The following ASTN2 variants were observed in gnomAD, a reference collection of about 807,000 sequenced individuals.
ASTN2 encodes the protein astrotactin-2.
ASTN2 carries 54 observed loss-of-function variants against 139.8 expected under a neutral mutation model. The observed-to-expected ratio is 0.39, with a 90% CI of 0.31 to 0.48. ASTN2 has a LOEUF of 0.48. ASTN2 is among the 20% of genes least tolerant of loss of function. The pLI is 0.95. For synonymous variants in ASTN2, 756 were observed against 719.5 expected (o/e 1.05, Z -0.81); for missense variants, 1,565 against 1,725.1 (o/e 0.91, Z 1.64).
At chr9:116,660,689 A>G (rs1219457711) in intron 16 of ASTN2, among the ~76,000 whole-genome samples, 1 of 152,158 alleles carries the variant, frequency 6.6e-6, no homozygotes. Context: ...ACTGTCAAAA[A>G]TTTCCCCTTA....
chr9:116,773,226 T>G, intron 13 of ASTN2, among the ~76,000 whole-genome samples: 1 of 152,186 alleles, frequency 6.6e-6, no homozygotes, highest in East Asian at 1.9e-4. Context: ...CTTTAGCACA[T>G]GCTTGATTCT....
At chr9:117,304,155 C>T (rs533888513) in intron 1 of ASTN2, among the ~76,000 whole-genome samples, 1 of 152,204 alleles carries the variant, frequency 6.6e-6, no homozygotes, top group Non-Finnish European at 1.5e-5. Context: ...CTAAGCTCAG[C>T]GTAAATAACC....
chr9:116,607,018 A>G (rs932565589), intron 19 of ASTN2, among the ~76,000 whole-genome samples: 3 of 152,218 alleles, frequency 2.0e-5, no homozygotes, highest in Non-Finnish European at 4.4e-5. Context: ...GGGTTTAGAC[A>G]TGATAAAGGT....
intron 1 of ASTN2, among the ~76,000 whole-genome samples, chr9:117,332,470 G>C (rs1271268205): frequency 6.6e-6 from 1 of 152,198 alleles, no homozygotes; most frequent in Non-Finnish European, 1.5e-5. Flanking sequence ...TCAGGAGGCT[G>C]TGTGAGAATC....
At chr9:116,527,707 C>T (rs974652546) in intron 19 of ASTN2, among the ~76,000 whole-genome samples, 2 of 152,122 alleles carry the variant, frequency 1.3e-5, no homozygotes, top group African/African-American at 4.8e-5. Flanking sequence ...TTCTAATCCC[C>T]ATGTGTTGGG....
intron 3 of ASTN2, among the ~76,000 whole-genome samples, chr9:117,179,593 C>A (rs1831005519): frequency 6.6e-6 from 1 of 152,172 alleles, no homozygotes; most frequent in South Asian, 2.1e-4. Flanking sequence ...GCTTCTCCTT[C>A]TTGCACCTCT....
rs747307846 is a variant in ASTN2, at chr9:117,141,361, G to T, written c.1133C>A (p.Ser378Ter). ...GCTCCTCCGCTTCCTCTTCCCTGCC[G>T]ATGTGCTGCGCAGGGGTGGTTGCAG... ...GQLQPPLRST[S>*]AGKRKRRSKS... The change falls in exon 4 of 23, where the codon TCG (serine) becomes TAG (stop). Residue 378 changes from serine to a stop codon, truncating the protein, a stop_gained. Coordinates refer to ENST00000313400, the MANE Select transcript of ASTN2 (RefSeq NM_001365068.1). LOFTEE classifies it high-confidence loss of function. 1 of 1,367,498 alleles carries T rather than the reference G, an allele frequency of 7.3e-7. No individual in the cohort carries two copies. Among genetic ancestry groups the T allele is most frequent in the Non-Finnish European group, 9.8e-7 (1 of 1,021,798 alleles). 84.7% of individuals were successfully genotyped at this position (1,367,498 alleles called of 1,614,324 possible).
intron 1 of ASTN2, among the ~76,000 whole-genome samples, chr9:117,332,972 G>A (rs1348732558): frequency 6.6e-6 from 1 of 152,200 alleles, no homozygotes; most frequent in Non-Finnish European, 1.5e-5. Flanking sequence ...GCTTAGGGGA[G>A]TGGGTAGTGC....
intron 3 of ASTN2, among the ~76,000 whole-genome samples, chr9:117,170,066 G>A (rs781013136): frequency 5.0e-4 from 76 of 152,012 alleles, no homozygotes; most frequent in Admixed American, 1.6e-3. Flanking sequence ...TACCTCTTGG[G>A]GAAGGTCATT....
intron 10 of ASTN2, among the ~76,000 whole-genome samples, chr9:116,910,393 A>T (rs1419859008): frequency 6.6e-6 from 1 of 152,180 alleles, no homozygotes; most frequent in African/African-American, 2.4e-5. Flanking sequence ...CACCCCTGTC[A>T]TCTACCCACT....
chr9:117,313,218 A>G (rs1392100445), intron 1 of ASTN2, among the ~76,000 whole-genome samples: 10 of 152,218 alleles, frequency 6.6e-5, no homozygotes, highest in Non-Finnish European at 1.5e-4. Flanking sequence ...AGCCTTGAGG[A>G]GGGCACACAG....
At chr9:117,344,866 TC>T (rs1564157165) in intron 1 of ASTN2, among the ~76,000 whole-genome samples, 2 of 152,174 alleles carry the variant, frequency 1.3e-5, no homozygotes. Flanking sequence ...TGCTCATTTT[TC>T]CTAAAGGCCC....
At chr9:117,101,699 C>T (rs1828982752) in intron 4 of ASTN2, among the ~76,000 whole-genome samples, 1 of 152,148 alleles carries the variant, frequency 6.6e-6, no homozygotes, top group African/African-American at 2.4e-5. Context: ...CTCACTGTTG[C>T]TTAATCAAAA....
chr9:116,832,796 A>G (rs1831855243), intron 11 of ASTN2, among the ~76,000 whole-genome samples: 1 of 152,040 alleles, frequency 6.6e-6, no homozygotes, highest in African/African-American at 2.4e-5. Flanking sequence ...TGGTATATGC[A>G]TGAGGGCTAT....
In ASTN2 at chr9:116,658,733, C is replaced by CTTTTTT. The variant is rs71502074; in HGVS notation, c.2807-6946_2807-6941dup. Among the ~76,000 whole-genome samples the CTTTTTT allele has an allele frequency of 2.9e-3, 290 of 101,074 alleles. 4 individuals are homozygous for CTTTTTT. Among genetic ancestry groups the CTTTTTT allele is most frequent in the East Asian group, 7.5e-3 (23 of 3,062 alleles). 66.3% of individuals were successfully genotyped at this position (101,074 alleles called of 152,430 possible). A position where few individuals can be genotyped will look rare whatever the true frequency, so the allele number is the denominator to read the frequency against. Reference sequence around the variant, plus strand: ...GACCTTCCTAATCCTGACCACCGCTCTTTTTTTTTTTTTTTTTTTTTTTTT... The same window carrying CTTTTTT: ...GACCTTCCTAATCCTGACCACCGCTCTTTTTTTTTTTTTTTTTTTTTTTTTTTTTTT... On this transcript the variant is annotated intron_variant, in intron 16 of 22. Coordinates refer to ENST00000313400, the MANE Select transcript of ASTN2 (RefSeq NM_001365068.1).
chr9:116,679,464 A>G (rs1859704256), intron 16 of ASTN2, among the ~76,000 whole-genome samples: 1 of 152,152 alleles, frequency 6.6e-6, no homozygotes, highest in Non-Finnish European at 1.5e-5. Flanking sequence ...TAAAACTCCT[A>G]TAATTCTAAT....
At position 116,696,923 on chromosome 9, in the gene ASTN2, A is replaced by G. The variant is rs1860884561; in HGVS notation, c.2806+28848T>C. On this transcript the variant is annotated intron_variant, in intron 16 of 22. Transcript: ENST00000313400. ...GTGGATGATTCCTAGGCCCCCAAAC[A>G]TGACACAATAAACTCTGTGACATGA... is the stretch of plus-strand genomic sequence containing the variant. Among the ~76,000 whole-genome samples, 3 of 149,314 alleles carry G rather than the reference A, an allele frequency of 2.0e-5. No homozygotes were observed. The South Asian group carries it at 6.5e-4, about 32-fold the overall frequency.
At chr9:117,031,184 C>T (rs1349797688) in intron 6 of ASTN2, among the ~76,000 whole-genome samples, 6 of 152,058 alleles carry the variant, frequency 3.9e-5, no homozygotes, top group Non-Finnish European at 8.8e-5. Flanking sequence ...GAGCAACATC[C>T]TTGGGGAGTG....
intron 1 of ASTN2, among the ~76,000 whole-genome samples, chr9:117,356,963 T>C (rs939641281): frequency 4.0e-5 from 6 of 151,688 alleles, no homozygotes; most frequent in Non-Finnish European, 8.8e-5. Context: ...ACTTGGGAGG[T>C]GGAGGCAAGA....
Sources: gnomAD v4.1 joint callset for allele counts (sites outside exome capture counted in the v4.1 genomes callset) on GRCh38, gnomAD v4.1.1 for gene constraint, MANE v1.5 for transcripts, NCBI Gene and HGNC (gene_info 2026-07-23, HGNC 2026-07-21) for gene names.